The following MAGI2 variants were observed in gnomAD, a reference collection of about 807,000 sequenced individuals.
MAGI2 encodes membrane associated guanylate kinase, WW and PDZ domain containing 2, also known as membrane-associated guanylate kinase, WW and PDZ domain-containing protein 2.
A neutral mutation model predicts 133.3 loss-of-function variants in MAGI2; 35 were observed. The observed-to-expected ratio is 0.26, with a 90% CI of 0.20 to 0.35. The LOEUF is 0.35. Among genes scored for constraint, MAGI2 ranks in the 10% least tolerant of loss-of-function variants. The pLI is 1.00. For missense variants in MAGI2, 1,636 were observed against 1,863.4 expected (o/e 0.88, Z 2.25); for synonymous variants, 729 against 710.6 (o/e 1.03, Z -0.41).
In MAGI2 at chr7:78,547,414, T is replaced by C. The variant is rs74628508; in HGVS notation, c.539-25769A>G. On this transcript the variant is annotated intron_variant, in intron 3 of 21. Transcript: ENST00000354212. ...TAAGAAATATGGCAGGTTCGCTGAGTGCTTTCGCACCTCATAGTTTATTGC... is the reference window on the plus strand; with the variant it reads ...TAAGAAATATGGCAGGTTCGCTGAGCGCTTTCGCACCTCATAGTTTATTGC... Among the ~76,000 whole-genome samples, 448 of 152,370 alleles carry C rather than the reference T, an allele frequency of 2.9e-3. 4 individuals are homozygous for C. The highest frequency in any genetic ancestry group is 9.8e-3 in the African/African-American group (409 of 41,594).
Position 79,089,965 on chromosome 7 carries a change from C to A in MAGI2, c.302-82759G>T, listed in dbSNP as rs1444621530. On this transcript the variant is annotated intron_variant, in intron 1 of 21. Transcript: ENST00000354212. ...TATGTAAGGTATACCTATACATGTG[C>A]ACATTCTGCACATGTATCCCAGAAC... Among the ~76,000 whole-genome samples the A allele has an allele frequency of 2.0e-5, 3 of 151,904 alleles. No homozygotes were observed. In the East Asian group the frequency reaches 5.8e-4, roughly 29 times the overall value.
rs1226975284 is a variant in MAGI2, at chr7:78,894,356, C to A, written c.418+112734G>T. Reference sequence around the variant, plus strand: ...GGCAGAGCTTGCAGTGAGCGGAGATCGCACATGGGCGACAAAGCCAGACTC... The same window carrying A: ...GGCAGAGCTTGCAGTGAGCGGAGATAGCACATGGGCGACAAAGCCAGACTC... On this transcript the variant is annotated intron_variant, in intron 2 of 21. Coordinates refer to ENST00000354212, the MANE Select transcript of MAGI2 (RefSeq NM_012301.4). 3.3e-5 allele frequency among the ~76,000 whole-genome samples: 5 copies of A among 152,042 alleles called. No individual in the cohort carries two copies. In the South Asian group the frequency reaches 1.0e-3, roughly 32 times the overall value.
intron 1 of MAGI2, among the ~76,000 whole-genome samples, chr7:79,191,224 C>A (rs1827625958): frequency 6.6e-6 from 1 of 151,312 alleles, no homozygotes; most frequent in African/African-American, 2.4e-5. Context: ...TCCCATTTTA[C>A]TTTTGATTTA....
At chr7:78,346,946 G>A (rs1173002878) in intron 7 of MAGI2, among the ~76,000 whole-genome samples, 1 of 152,144 alleles carries the variant, frequency 6.6e-6, no homozygotes, top group Admixed American at 6.5e-5. Context: ...CTTAACTCTT[G>A]GCCAGTTACT....
chr7:78,277,548 G>C (rs970293089), intron 9 of MAGI2, among the ~76,000 whole-genome samples: 1 of 152,128 alleles, frequency 6.6e-6, no homozygotes, highest in East Asian at 1.9e-4. Flanking sequence ...TTAGAAAATG[G>C]GGTTAGCAAG....
Position 78,019,910 on chromosome 7 carries a change from A to T in MAGI2, c.3773T>A (p.Leu1258Gln). The change falls in exon 22 of 22, where the codon CTG (leucine) becomes CAG (glutamine). Residue 1258 changes from leucine (L) to glutamine (Q), a missense_variant. Transcript: ENST00000354212. ...AGAGAATGGAGCGAGGCCGTCGTCC[A>T]GGGAGACGCCTACTTCCGGCAGACC... ...APGLPEVGVSLDDGLAPFSPS... is the reference protein window; with the variant it reads ...APGLPEVGVSQDDGLAPFSPS... The T allele has an allele frequency of 6.2e-7, 1 of 1,610,694 alleles. No homozygotes were observed. Among genetic ancestry groups the T allele is most frequent in the Non-Finnish European group, 8.5e-7 (1 of 1,178,838 alleles).
intron 1 of MAGI2, among the ~76,000 whole-genome samples, chr7:79,325,026 A>G (rs1191733102): frequency 1.3e-5 from 2 of 152,008 alleles, no homozygotes; most frequent in Non-Finnish European, 2.9e-5. Context: ...CTTGGTCTAT[A>G]AGATGAGAGA....
intron 2 of MAGI2, among the ~76,000 whole-genome samples, chr7:78,705,265 T>G (rs1381705317): frequency 6.6e-6 from 1 of 151,996 alleles, no homozygotes; most frequent in Admixed American, 6.6e-5. Context: ...TGATGGTTTA[T>G]AAGGGGCTCT....
At chr7:78,589,436 C>T (rs6955962) in intron 3 of MAGI2, among the ~76,000 whole-genome samples, 18,730 of 152,216 alleles carry the variant, frequency 0.12, 2,075 homozygotes, top group African/African-American at 0.3. Flanking sequence ...GCTCTGGAGT[C>T]TATGCACATA....
At chr7:78,117,368 T>C (rs1051443474) in intron 20 of MAGI2, among the ~76,000 whole-genome samples, 3 of 151,964 alleles carry the variant, frequency 2.0e-5, no homozygotes, top group Non-Finnish European at 2.9e-5. Context: ...TCAAGAGTAA[T>C]TGAACCATAA....
chr7:78,685,950 ACTTT>A (rs1450274180), intron 2 of MAGI2, among the ~76,000 whole-genome samples: 5 of 135,418 alleles, frequency 3.7e-5, no homozygotes, highest in African/African-American at 1.1e-4. Flanking sequence ...TCCTGCTCTT[ACTTT>A]CTTTTTCTTT....
At chr7:79,323,928 G>A (rs1008430493) in intron 1 of MAGI2, among the ~76,000 whole-genome samples, 1 of 152,110 alleles carries the variant, frequency 6.6e-6, no homozygotes, top group Admixed American at 6.5e-5. Flanking sequence ...ATGTGGATCA[G>A]TTTTAAACAC....
At chr7:79,413,441 T>C (rs536988984) in intron 1 of MAGI2, 1 of 152,296 alleles carries the variant, frequency 6.6e-6, no homozygotes, top group Middle Eastern at 3.4e-3. Context: ...CTGATTCATC[T>C]GAGCCCCTTT....
Position 79,260,188 on chromosome 7 carries a change from T to C in MAGI2, c.301+192832A>G, listed in dbSNP as rs187828462. On this transcript the variant is annotated intron_variant, in intron 1 of 21. Coordinates refer to ENST00000354212, the MANE Select transcript of MAGI2 (RefSeq NM_012301.4). ...GGGCAATATGGCAAAACCCTGTCTC[T>C]ATCAAAAATACAAGAAAATTAGTCA... Among the ~76,000 whole-genome samples, 200 of 152,204 alleles carry C rather than the reference T, an allele frequency of 1.3e-3. 1 individual carries two copies. Among genetic ancestry groups the C allele is most frequent in the Non-Finnish European group, 2.3e-3 (157 of 68,010 alleles).
intron 6 of MAGI2, among the ~76,000 whole-genome samples, chr7:78,437,752 A>T (rs1787191614): frequency 6.6e-6 from 1 of 152,198 alleles, no homozygotes; most frequent in African/African-American, 2.4e-5. Context: ...TTACATTCAC[A>T]AGTGACATAC....
chr7:78,639,026 T>G (rs1342228001), intron 2 of MAGI2, among the ~76,000 whole-genome samples: 1 of 152,206 alleles, frequency 6.6e-6, no homozygotes, highest in African/African-American at 2.4e-5. Context: ...AGAACTAGAC[T>G]GTGTGGATAC....
chr7:78,738,454 A>G (rs1822079393), intron 2 of MAGI2, among the ~76,000 whole-genome samples: 2 of 152,178 alleles, frequency 1.3e-5, no homozygotes. Context: ...CTTCCTAAAC[A>G]AGTCACATTA....
intron 6 of MAGI2, chr7:78,486,912 G>A (rs919655943): frequency 2.1e-5 from 11 of 518,486 alleles, no homozygotes; most frequent in Non-Finnish European, 3.5e-5. Context: ...GGCCAGGAAC[G>A]TACCCAAATT....
At chr7:79,213,323 CGT>C (rs1491393299) in intron 1 of MAGI2, among the ~76,000 whole-genome samples, 12 of 141,430 alleles carry the variant, frequency 8.5e-5, no homozygotes, top group African/African-American at 3.2e-4. Flanking sequence ...CACGTACACA[CGT>C]ACACACACAC....
Sources: allele counts gnomAD v4.1 joint callset (sites outside exome capture counted in the v4.1 genomes callset), GRCh38; gene constraint gnomAD v4.1.1; transcripts MANE v1.5; gene names NCBI Gene and HGNC (gene_info 2026-07-23, HGNC 2026-07-21).